ASIC2: variants seen among roughly 807,000 people sequenced by gnomAD.
The protein encoded by ASIC2 is acid-sensing ion channel 2.
In ASIC2, 25 loss-of-function variants were observed where a neutral mutation model predicts 57.3. The ratio of observed to expected loss-of-function variants is 0.44; its 90% CI spans 0.32 to 0.61. The LOEUF is 0.61. Ranked by LOEUF, ASIC2 falls within the 20% of genes least tolerant of loss-of-function variation. ASIC2 has a pLI of 0.06. For synonymous variants in ASIC2, 319 were observed against 307.5 expected (o/e 1.04, Z -0.39); for missense variants, 641 against 738.1 (o/e 0.87, Z 1.52).
intron 1 of ASIC2, among the ~76,000 whole-genome samples, chr17:33,773,470 A>C (rs1597870441): frequency 6.6e-6 from 1 of 152,008 alleles, no homozygotes; most frequent in Non-Finnish European, 1.5e-5. Flanking sequence ...GAGTGGATAT[A>C]ATTCATTTTC....
intron 1 of ASIC2, among the ~76,000 whole-genome samples, chr17:33,389,167 C>T (rs1909801187): frequency 6.6e-6 from 1 of 152,088 alleles, no homozygotes; most frequent in Non-Finnish European, 1.5e-5. Context: ...GCTGTGTTGC[C>T]CTGGCTGGTC....
intron 2 of ASIC2, among the ~76,000 whole-genome samples, chr17:33,104,869 T>C (rs1190645735): frequency 1.3e-5 from 2 of 152,170 alleles, no homozygotes; most frequent in African/African-American, 2.4e-5. Context: ...CTTGGGAAGC[T>C]TACAACCTCT....
chr17:33,614,547 G>C (rs1025021559), intron 1 of ASIC2, among the ~76,000 whole-genome samples: 19 of 152,134 alleles, frequency 1.2e-4, no homozygotes, highest in African/African-American at 3.9e-4. Flanking sequence ...CATCGCCAAG[G>C]GGCTAGATGG....
At chr17:33,405,881 C>G (rs549133223) in intron 1 of ASIC2, among the ~76,000 whole-genome samples, 2 of 152,260 alleles carry the variant, frequency 1.3e-5, no homozygotes, top group South Asian at 4.2e-4. Flanking sequence ...CAATATTCCT[C>G]CACTCCAATC....
At chr17:34,015,075 T>C (rs1164671899) in intron 1 of ASIC2, among the ~76,000 whole-genome samples, 2 of 150,292 alleles carry the variant, frequency 1.3e-5, no homozygotes, top group Non-Finnish European at 3.0e-5. Flanking sequence ...TGCCTTTTTT[T>C]TTTTTTTTTT....
chr17:33,300,195 C>A (rs1373453207), intron 1 of ASIC2, among the ~76,000 whole-genome samples: 1 of 152,178 alleles, frequency 6.6e-6, no homozygotes, highest in East Asian at 1.9e-4. Flanking sequence ...TTTAGAGATA[C>A]TTTATGAATA....
chr17:34,113,281 A>C (rs1372895030), intron 1 of ASIC2, among the ~76,000 whole-genome samples: 1 of 152,192 alleles, frequency 6.6e-6, no homozygotes, highest in Non-Finnish European at 1.5e-5. Flanking sequence ...AGTATGTGTC[A>C]AGAATAAAAT....
chr17:33,810,088 T>A (rs1446353550), intron 1 of ASIC2, among the ~76,000 whole-genome samples: 1 of 152,186 alleles, frequency 6.6e-6, no homozygotes, highest in Non-Finnish European at 1.5e-5. Context: ...AAACTAAATA[T>A]ATGCATTTGA....
chr17:33,411,917 AAG>A (rs1172533504), intron 1 of ASIC2, among the ~76,000 whole-genome samples: 4 of 152,220 alleles, frequency 2.6e-5, no homozygotes, highest in African/African-American at 9.6e-5. Context: ...TCATAAATAA[AAG>A]AGATCGCAAT....
chr17:33,315,869 T>C (rs185223307), intron 1 of ASIC2, among the ~76,000 whole-genome samples: 2 of 152,334 alleles, frequency 1.3e-5, no homozygotes, highest in Admixed American at 1.3e-4. Flanking sequence ...TCAAATAGAC[T>C]TGGGTTCAAA....
At chr17:33,758,433 G>T (rs1365042064) in intron 1 of ASIC2, among the ~76,000 whole-genome samples, 22 of 152,128 alleles carry the variant, frequency 1.4e-4, no homozygotes, top group Admixed American at 1.4e-3. Flanking sequence ...CCTAAGGATT[G>T]CTTTACTACT....
chr17:33,460,187 G>A (rs1428329056), intron 1 of ASIC2, among the ~76,000 whole-genome samples: 1 of 152,136 alleles, frequency 6.6e-6, no homozygotes, highest in Non-Finnish European at 1.5e-5. Flanking sequence ...TTAGCTTCGG[G>A]TATTGACCCC....
intron 3 of ASIC2, among the ~76,000 whole-genome samples, chr17:33,084,572 TG>T (rs1192661968): frequency 1.3e-5 from 2 of 152,274 alleles, no homozygotes; most frequent in East Asian, 3.8e-4. Flanking sequence ...CACGCAGTTT[TG>T]TCATCTGCAA....
At chr17:33,633,847 G>A (rs1466075810) in intron 1 of ASIC2, among the ~76,000 whole-genome samples, 5 of 152,184 alleles carry the variant, frequency 3.3e-5, no homozygotes, top group Non-Finnish European at 5.9e-5. Flanking sequence ...ACTGCCACCT[G>A]GGTCTAGCCT....
At chr17:33,656,801 C>T (rs1203922748) in intron 1 of ASIC2, among the ~76,000 whole-genome samples, 1 of 152,168 alleles carries the variant, frequency 6.6e-6, no homozygotes, top group Non-Finnish European at 1.5e-5. Flanking sequence ...AGCTTATTTT[C>T]CATGGGGCCA....
At chr17:34,094,843 T>C (rs923920977) in intron 1 of ASIC2, among the ~76,000 whole-genome samples, 1 of 152,202 alleles carries the variant, frequency 6.6e-6, no homozygotes, top group Admixed American at 6.5e-5. Flanking sequence ...GCTCCACAAA[T>C]ACAGGGAATG....
At chr17:33,552,906 C>T (rs1335552661) in intron 1 of ASIC2, among the ~76,000 whole-genome samples, 1 of 152,216 alleles carries the variant, frequency 6.6e-6, no homozygotes, top group Non-Finnish European at 1.5e-5. Flanking sequence ...GGCTCTCTTG[C>T]ACCGCCCTGG....
At chr17:33,623,816 C>A (rs1052823872) in intron 1 of ASIC2, among the ~76,000 whole-genome samples, 4 of 151,982 alleles carry the variant, frequency 2.6e-5, no homozygotes, top group African/African-American at 2.4e-5. Flanking sequence ...CTGAGGCTCA[C>A]AATCCTAGAG....
At chr17:34,085,454 C>T (rs149489900) in intron 1 of ASIC2, among the ~76,000 whole-genome samples, 2 of 152,178 alleles carry the variant, frequency 1.3e-5, no homozygotes, top group Middle Eastern at 3.4e-3. Context: ...ATTTTATTGA[C>T]GATTTTTGCA....
Sources: allele counts gnomAD v4.1 joint callset (sites outside exome capture counted in the v4.1 genomes callset), GRCh38; gene constraint gnomAD v4.1.1; transcripts MANE v1.5; gene names NCBI Gene and HGNC (gene_info 2026-07-23, HGNC 2026-07-21).